DSCAML1: variants seen among roughly 807,000 people sequenced by gnomAD.
DSCAML1 encodes DS cell adhesion molecule like 1, also known as cell adhesion molecule DSCAML1.
A neutral mutation model predicts 200.5 loss-of-function variants in DSCAML1; 38 were observed. The observed-to-expected ratio is 0.19, with a 90% CI of 0.15 to 0.25. The LOEUF is 0.25. Among genes scored for constraint, DSCAML1 ranks in the 10% least tolerant of loss-of-function variants. DSCAML1 has a pLI of 1.00. For synonymous variants in DSCAML1, 1,215 were observed against 1,165.0 expected (o/e 1.04, Z -0.87); for missense variants, 2,223 against 2,858.8 (o/e 0.78, Z 5.07).
intron 3 of DSCAML1, among the ~76,000 whole-genome samples, chr11:117,650,667 CTG>C (rs66966642): frequency 0.033 from 4,658 of 143,154 alleles, 115 homozygotes; most frequent in African/African-American, 0.07. Context: ...GTGTGTCTAT[CTG>C]TGTGTGTGTG....
rs1174506212 is a variant in DSCAML1 at position 117,780,213 on chromosome 11, G to GAC, written c.364+279_364+280insGT. ...AAAGAAAGAAAGAGAAAGAAAGAGA[G>GAC]AGAGAGAAAGAAAGAAAGGAAAGAA... On this transcript the variant is annotated intron_variant, in intron 2 of 32. Transcript: ENST00000651296. The surrounding 1 kb of genome is among the most constrained non-coding windows in gnomAD (Gnocchi z 4.8). Among the ~76,000 whole-genome samples the GAC allele has an allele frequency of 1.2e-4, 6 of 48,258 alleles. 1 individual carries two copies. The South Asian group carries it at 1.9e-3, about 15-fold the overall frequency. The allele number at this position is 48,258 out of a possible 152,430, so 31.7% of individuals were successfully genotyped here. A position where few individuals can be genotyped will look rare whatever the true frequency, so the allele number is the denominator to read the frequency against.
chr11:117,649,892 C>T (rs945168558), intron 3 of DSCAML1, among the ~76,000 whole-genome samples: 1 of 152,212 alleles, frequency 6.6e-6, no homozygotes, highest in African/African-American at 2.4e-5. Flanking sequence ...TTCCTCTGCT[C>T]ATCGGAACCA....
intron 3 of DSCAML1, among the ~76,000 whole-genome samples, chr11:117,669,839 CTGAGAT>C (rs1419194589): frequency 6.6e-6 from 1 of 152,210 alleles, no homozygotes; most frequent in Non-Finnish European, 1.5e-5. Flanking sequence ...GTCTGAGAAA[CTGAGAT>C]CCTTGTGGCT....
chr11:117,667,851 G>A (rs7931880), intron 3 of DSCAML1, among the ~76,000 whole-genome samples: 9 of 152,168 alleles, frequency 5.9e-5, no homozygotes, highest in Non-Finnish European at 1.3e-4. Flanking sequence ...CCCTGTATCC[G>A]AACACATCGA....
chr11:117,594,608 T>G (rs2051325163), intron 3 of DSCAML1, among the ~76,000 whole-genome samples: 1 of 152,234 alleles, frequency 6.6e-6, no homozygotes, highest in Non-Finnish European at 1.5e-5. Context: ...CCCAGCGGGC[T>G]GGGTTAGATC....
At position 117,469,995 on chromosome 11, in the gene DSCAML1, G is replaced by C. The variant is rs377027406; in HGVS notation, c.2954-15C>G. 1.5e-5 allele frequency: 24 copies of C among 1,584,234 alleles called. No individual in the cohort carries two copies. Among genetic ancestry groups the C allele is most frequent in the Non-Finnish European group, 2.1e-5 (24 of 1,161,414 alleles). ...CCCATCGGGAGCTGAGCAGGGTAGC[G>C]GGGAGGAGAAACATTACAAGTCAAG... is the stretch of plus-strand genomic sequence containing the variant. On this transcript the variant is annotated splice_polypyrimidine_tract_variant and intron_variant, in intron 15 of 32. Transcript: ENST00000651296. The surrounding 1 kb of genome is among the most constrained non-coding windows in gnomAD (Gnocchi z 4.1).
At position 117,780,826 on chromosome 11, in the gene DSCAML1, G is replaced by GT; in HGVS notation, c.47-17_47-16insA. The GT allele has an allele frequency of 7.1e-7, 1 of 1,416,104 alleles. No homozygotes were observed. Among genetic ancestry groups the GT allele is most frequent in the Non-Finnish European group, 9.2e-7 (1 of 1,087,304 alleles). The allele number at this position is 1,416,104 out of a possible 1,614,324, so 87.7% of individuals were successfully genotyped here. Reference sequence around the variant, plus strand: ...TCAGGGCGGGCTGCAGGAGAGGCAAGGGGAGAGACTTGGTTAGCATGGGCT... The same window carrying GT: ...TCAGGGCGGGCTGCAGGAGAGGCAAGTGGGAGAGACTTGGTTAGCATGGGCT... On this transcript the variant is annotated splice_polypyrimidine_tract_variant and intron_variant, in intron 1 of 32. Transcript: ENST00000651296. The surrounding 1 kb of genome is among the most constrained non-coding windows in gnomAD (Gnocchi z 4.8).
chr11:117,786,277 C>T (rs1488241415), intron 1 of DSCAML1, among the ~76,000 whole-genome samples: 6 of 152,162 alleles, frequency 3.9e-5, no homozygotes, highest in Non-Finnish European at 5.9e-5. Context: ...ATGTGACAGA[C>T]GCCCAGACTT....
At chr11:117,727,885 G>A (rs180675372) in intron 3 of DSCAML1, among the ~76,000 whole-genome samples, 1 of 152,274 alleles carries the variant, frequency 6.6e-6, no homozygotes, top group African/African-American at 2.4e-5. Flanking sequence ...CATTCTAATT[G>A]TCATCAGCTC....
chr11:117,476,189 G>C (rs1488890672), intron 14 of DSCAML1, among the ~76,000 whole-genome samples: 1 of 152,170 alleles, frequency 6.6e-6, no homozygotes, highest in Non-Finnish European at 1.5e-5. Flanking sequence ...GGAAGCGGCT[G>C]GGGAGATGTC....
At chr11:117,749,196 C>T (rs547226770) in intron 3 of DSCAML1, among the ~76,000 whole-genome samples, 2 of 152,316 alleles carry the variant, frequency 1.3e-5, no homozygotes, top group Admixed American at 6.5e-5. Flanking sequence ...CCAGGCCAGA[C>T]GGGGCTTGAG....
intron 3 of DSCAML1, among the ~76,000 whole-genome samples, chr11:117,610,107 T>C (rs1238494946): frequency 1.3e-5 from 2 of 152,218 alleles, no homozygotes; most frequent in African/African-American, 4.8e-5. Flanking sequence ...TCTCTGCATC[T>C]GGACTTTCAA....
At chr11:117,701,817 G>A (rs757816873) in intron 3 of DSCAML1, among the ~76,000 whole-genome samples, 4 of 152,148 alleles carry the variant, frequency 2.6e-5, no homozygotes, top group Admixed American at 6.5e-5. Context: ...CCTCAGGCCT[G>A]GTGACCTGGA....
intron 3 of DSCAML1, among the ~76,000 whole-genome samples, chr11:117,711,521 C>A (rs1409918777): frequency 6.6e-6 from 1 of 152,204 alleles, no homozygotes; most frequent in Non-Finnish European, 1.5e-5. Flanking sequence ...CTCCTAGAAC[C>A]AGGCTTAGGA....
At chr11:117,461,668 C>T in intron 17 of DSCAML1, 72 bp from the exon 18 acceptor site, 1 of 1,496,272 alleles carries the variant, frequency 6.7e-7, no homozygotes, top group East Asian at 2.3e-5. Flanking sequence ...CAATTGTGTC[C>T]CAGGCTGGGT....
intron 3 of DSCAML1, among the ~76,000 whole-genome samples, chr11:117,639,579 G>A (rs2052360069): frequency 6.6e-6 from 1 of 151,758 alleles, no homozygotes; most frequent in African/African-American, 2.4e-5. Flanking sequence ...TGGATTGGGG[G>A]AAGGCTTGAG....
intron 3 of DSCAML1, 101 bp downstream of exon 3, chr11:117,776,690 A>C: frequency 7.0e-7 from 1 of 1,430,844 alleles, no homozygotes; most frequent in South Asian, 1.3e-5. Context: ...AGCCAACCTC[A>C]AGATCTTATT....
intron 3 of DSCAML1, among the ~76,000 whole-genome samples, chr11:117,664,058 G>A (rs979203364): frequency 7.2e-5 from 11 of 152,230 alleles, no homozygotes; most frequent in Admixed American, 5.2e-4. Flanking sequence ...CCCAGCAGCC[G>A]GGAGGAGGGG....
Position 117,609,204 on chromosome 11 carries a change from A to T in DSCAML1, c.512-76682T>A, listed in dbSNP as rs541688695. 8.3e-4 allele frequency among the ~76,000 whole-genome samples: 115 copies of T among 138,604 alleles called. 1 individual carries two copies. Among genetic ancestry groups the T allele is most frequent in the African/African-American group, 2.6e-3 (101 of 38,914 alleles). The allele number at this position is 138,604 out of a possible 152,430, so 90.9% of individuals were successfully genotyped here. A position where few individuals can be genotyped will look rare whatever the true frequency, so the allele number is the denominator to read the frequency against. On this transcript the variant is annotated intron_variant, in intron 3 of 32. Transcript: ENST00000651296. ...ACAGAGCCAGACCCTATCTCAATTT[A>T]AAAAAAAAAAAAAGTGCCAAATTGA...
Sources: gnomAD v4.1 joint callset for allele counts (sites outside exome capture counted in the v4.1 genomes callset) on GRCh38, gnomAD v4.1.1 for gene constraint, Gnocchi (gnomAD v3.1) non-coding constraint, MANE v1.5 for transcripts, NCBI Gene and HGNC (gene_info 2026-07-23, HGNC 2026-07-21) for gene names.